The following ITFG1 variants were observed in gnomAD, a reference collection of about 807,000 sequenced individuals.
ITFG1 encodes integrin alpha FG-GAP repeat containing 1, also known as T-cell immunomodulatory protein.
In ITFG1, 34 loss-of-function variants were observed where a neutral mutation model predicts 81.8. That is an observed-to-expected ratio of 0.42 (90% CI 0.32 to 0.55). The LOEUF is 0.55. Ranked by LOEUF, ITFG1 falls within the 20% of genes least tolerant of loss-of-function variation. The pLI is 0.17. For synonymous variants in ITFG1, 285 were observed against 270.6 expected (o/e 1.05, Z -0.52); for missense variants, 672 against 755.4 (o/e 0.89, Z 1.29).
chr16:47,354,058 G>A (rs968590642), intron 8 of ITFG1, among the ~76,000 whole-genome samples: 5 of 151,954 alleles, frequency 3.3e-5, no homozygotes, highest in African/African-American at 9.7e-5. Context: ...AAATCCTAAC[G>A]TTTGTGTGGA....
At chr16:47,370,634 C>T (rs1488477325) in intron 7 of ITFG1, among the ~76,000 whole-genome samples, 1 of 152,198 alleles carries the variant, frequency 6.6e-6, no homozygotes, top group South Asian at 2.1e-4. Context: ...GTAGTATGCC[C>T]GGTTGAGCCT....
chr16:47,181,028 G>A (rs533637114), intron 14 of ITFG1, among the ~76,000 whole-genome samples: 165 of 150,822 alleles, frequency 1.1e-3, no homozygotes, highest in African/African-American at 4.0e-3. Context: ...GTCTCTGCCC[G>A]GCCGCCATAC....
intron 8 of ITFG1, among the ~76,000 whole-genome samples, chr16:47,331,132 G>A (rs1967631763): frequency 6.6e-6 from 1 of 152,128 alleles, no homozygotes; most frequent in South Asian, 2.1e-4. Flanking sequence ...ATACTATGTA[G>A]CCATAAAAAT....
At chr16:47,342,244 C>T (rs1042064234) in intron 8 of ITFG1, among the ~76,000 whole-genome samples, 6 of 152,044 alleles carry the variant, frequency 3.9e-5, no homozygotes, top group African/African-American at 1.4e-4. Flanking sequence ...TAATACATCA[C>T]AGTAATGGAA....
chr16:47,315,329 GT>G (rs1967336715), intron 8 of ITFG1, among the ~76,000 whole-genome samples: 1 of 151,218 alleles, frequency 6.6e-6, no homozygotes, highest in African/African-American at 2.4e-5. Flanking sequence ...AAAAAAAAAA[GT>G]TTGAGAGCTA....
chr16:47,412,880 C>G (rs975823659), intron 6 of ITFG1, among the ~76,000 whole-genome samples: 1 of 152,022 alleles, frequency 6.6e-6, no homozygotes, highest in African/African-American at 2.4e-5. Flanking sequence ...TATAAAGAAA[C>G]AAAACCTACC....
intron 12 of ITFG1, among the ~76,000 whole-genome samples, chr16:47,247,450 G>A (rs1021922710): frequency 3.3e-5 from 5 of 152,150 alleles, no homozygotes; most frequent in African/African-American, 7.2e-5. Flanking sequence ...TTTAGGTCAT[G>A]AGTGTTGATA....
chr16:47,332,888 T>C (rs1482469291), intron 8 of ITFG1, among the ~76,000 whole-genome samples: 1 of 152,238 alleles, frequency 6.6e-6, no homozygotes, highest in African/African-American at 2.4e-5. Context: ...AGCAGTTTAT[T>C]CAAAGGTACT....
intron 12 of ITFG1, among the ~76,000 whole-genome samples, chr16:47,256,143 TTA>T (rs1279593589): frequency 6.6e-6 from 1 of 152,118 alleles, no homozygotes; most frequent in African/African-American, 2.4e-5. Context: ...TTCGTATTTT[TTA>T]TAGAGACAGG....
intron 14 of ITFG1, among the ~76,000 whole-genome samples, chr16:47,166,146 TA>T (rs1290471728): frequency 6.6e-5 from 10 of 152,208 alleles, no homozygotes; most frequent in Non-Finnish European, 1.5e-5. Flanking sequence ...GAAGCATTTA[TA>T]ATCTACTGTC....
At chr16:47,353,232 T>C (rs1194000891) in intron 8 of ITFG1, among the ~76,000 whole-genome samples, 1 of 151,484 alleles carries the variant, frequency 6.6e-6, no homozygotes, top group Non-Finnish European at 1.5e-5. Context: ...AAAAAAAGAA[T>C]CACCACGATC....
chr16:47,358,768 A>G (rs1056356947), intron 8 of ITFG1, among the ~76,000 whole-genome samples: 1 of 152,226 alleles, frequency 6.6e-6, no homozygotes, highest in Admixed American at 6.5e-5. Flanking sequence ...TCATTTAATT[A>G]AATAATTCAT....
At chr16:47,218,361 T>C (rs1435035034) in intron 14 of ITFG1, 3 of 152,154 alleles carry the variant, frequency 2.0e-5, no homozygotes, top group Non-Finnish European at 2.9e-5. Flanking sequence ...TTATTTCTTT[T>C]ATTGTCTTAA....
intron 6 of ITFG1, among the ~76,000 whole-genome samples, chr16:47,379,559 G>C (rs1968369524): frequency 6.6e-6 from 1 of 151,986 alleles, no homozygotes; most frequent in African/African-American, 2.4e-5. Flanking sequence ...GTGGTGGTGT[G>C]CATCTGTAAT....
At chr16:47,357,317 T>G (rs578104142) in intron 8 of ITFG1, among the ~76,000 whole-genome samples, 1 of 152,074 alleles carries the variant, frequency 6.6e-6, no homozygotes, top group African/African-American at 2.4e-5. Flanking sequence ...CATTCATCAT[T>G]AAAAAAATTA....
chr16:47,218,908 A>G lies in ITFG1; in HGVS notation c.1413T>C (p.Tyr471=), dbSNP rs927668382. 3 of 1,603,806 alleles carry G rather than the reference A, an allele frequency of 1.9e-6. No individual in the cohort carries two copies. The highest frequency in any genetic ancestry group is 1.7e-4 in the Middle Eastern group (1 of 6,050). The stretch of plus-strand genomic sequence containing the variant: ...GATACCCATTTGCATCTACAGTTGT[A>G]TACATGATATAAGGTCCAGGTTGAT... ...GVNQPGPYIM[Y]TTVDANGYLK... The change falls in exon 14 of 18, where the codon TAT becomes TAC. Residue 471 remains tyrosine, a synonymous_variant. Coordinates refer to ENST00000320640, the MANE Select transcript of ITFG1 (RefSeq NM_030790.5).
At chr16:47,422,138 T>C (rs1197682472) in intron 6 of ITFG1, among the ~76,000 whole-genome samples, 1 of 152,238 alleles carries the variant, frequency 6.6e-6, no homozygotes, top group Admixed American at 6.5e-5. Flanking sequence ...ACAATAAACA[T>C]ACGTGTGCAT....
chr16:47,277,913 C>T (rs1449573094), intron 10 of ITFG1, among the ~76,000 whole-genome samples: 1 of 152,152 alleles, frequency 6.6e-6, no homozygotes, highest in Non-Finnish European at 1.5e-5. Flanking sequence ...GCTTATGTCC[C>T]AGTTCAAGCT....
upstream of ITFG1, chr16:47,461,151 A>G: frequency 1.7e-6 from 2 of 1,163,952 alleles, no homozygotes; most frequent in South Asian, 1.6e-5. Flanking sequence ...GGGACGCGTA[A>G]GAGCCGCTGC....
Sources: gnomAD v4.1 joint callset for allele counts (sites outside exome capture counted in the v4.1 genomes callset) on GRCh38, gnomAD v4.1.1 for gene constraint, MANE v1.5 for transcripts, NCBI Gene and HGNC (gene_info 2026-07-23, HGNC 2026-07-21) for gene names.